Variants in MAP3K13 observed in about 807,000 individuals in gnomAD.
MAP3K13 encodes leucine zipper-bearing kinase.
A neutral mutation model predicts 104.0 loss-of-function variants in MAP3K13; 52 were observed. The ratio of observed to expected loss-of-function variants is 0.50; its 90% CI spans 0.40 to 0.63. The LOEUF is 0.63. MAP3K13 is among the 20% of genes least tolerant of loss of function. MAP3K13 has a pLI of 0.00. For missense variants in MAP3K13, 914 were observed against 1,218.5 expected (o/e 0.75, Z 3.72); for synonymous variants, 394 against 442.2 (o/e 0.89, Z 1.37).
At chr3:185,475,707 C>T (rs562504804) in intron 11 of MAP3K13, among the ~76,000 whole-genome samples, 6 of 152,152 alleles carry the variant, frequency 3.9e-5, no homozygotes, top group South Asian at 4.1e-4. Context: ...AAAAATTAGC[C>T]GGGCATGGTG....
In MAP3K13 at chr3:185,437,523, G is replaced by A. The variant is rs757758141; in HGVS notation, c.552G>A (p.Leu184=). 2 of 1,613,936 alleles carry A rather than the reference G, an allele frequency of 1.2e-6. No individual in the cohort carries two copies. The highest frequency in any genetic ancestry group is 8.5e-7 in the Non-Finnish European group (1 of 1,180,004). Reference sequence around the variant, plus strand: ...GTGGAGCCCAAGGAGCGGTCTTCTTGGGCAAGTTCCGGGCGGAAGAGGTGG... The same window carrying A: ...GTGGAGCCCAAGGAGCGGTCTTCTTAGGCAAGTTCCGGGCGGAAGAGGTGG... The part of the protein sequence containing the change: ...LGSGAQGAVF[L]GKFRAEEVAI... Residue 184 remains leucine, a synonymous_variant, in exon 3 of 14, where the codon TTG becomes TTA. Coordinates refer to ENST00000265026, the MANE Select transcript of MAP3K13 (RefSeq NM_004721.5).
At chr3:185,347,065 C>A (rs952085389) in intron 2 of MAP3K13, among the ~76,000 whole-genome samples, 10 of 149,826 alleles carry the variant, frequency 6.7e-5, no homozygotes, top group Non-Finnish European at 1.3e-4. Flanking sequence ...CGGCTCACTG[C>A]AACCTCTACC....
intron 2 of MAP3K13, among the ~76,000 whole-genome samples, chr3:185,434,303 A>G (rs1396216981): frequency 6.6e-6 from 1 of 152,240 alleles, no homozygotes; most frequent in Non-Finnish European, 1.5e-5. Flanking sequence ...CAGATTATGA[A>G]TATTAAACAA....
intron 10 of MAP3K13, among the ~76,000 whole-genome samples, chr3:185,470,615 A>G (rs1717718605): frequency 6.6e-6 from 1 of 152,058 alleles, no homozygotes; most frequent in Non-Finnish European, 1.5e-5. Context: ...CTCACTATAA[A>G]CAAGAGTCCT....
chr3:185,359,613 A>C (rs1723521782), upstream of MAP3K13, among the ~76,000 whole-genome samples: 1 of 152,174 alleles, frequency 6.6e-6, no homozygotes, highest in Non-Finnish European at 1.5e-5. Context: ...CATGTGTTAT[A>C]ATATTACTTT....
chr3:185,479,493 C>T (rs1718325272), intron 12 of MAP3K13, among the ~76,000 whole-genome samples: 1 of 152,160 alleles, frequency 6.6e-6, no homozygotes, highest in African/African-American at 2.4e-5. Flanking sequence ...CTATGACTCT[C>T]TAAATAAGAG....
chr3:185,459,598 T>C (rs1324404316), intron 7 of MAP3K13, among the ~76,000 whole-genome samples: 11 of 151,938 alleles, frequency 7.2e-5, no homozygotes, highest in Admixed American at 7.2e-4. Flanking sequence ...TACAGGCACC[T>C]GCCATCATGC....
intron 1 of MAP3K13, among the ~76,000 whole-genome samples, chr3:185,410,888 T>C (rs1713402341): frequency 6.8e-6 from 1 of 146,898 alleles, no homozygotes; most frequent in East Asian, 2.0e-4. Context: ...TGAACTAAGA[T>C]CACACCGCTG....
rs113069379 is a variant in MAP3K13, at chr3:185,418,360, T to C, written c.-85-10137T>C. On this transcript the variant is annotated intron_variant, in intron 1 of 13. Transcript: ENST00000265026. The surrounding 1 kb of genome is among the most constrained non-coding windows in gnomAD (Gnocchi z 4.5). Reference sequence around the variant, plus strand: ...AGGAACTTCCTCAATACGATGACCTTTAGACATGACCAGTGCTGGTAGGGC... The same window carrying C: ...AGGAACTTCCTCAATACGATGACCTCTAGACATGACCAGTGCTGGTAGGGC... The C allele has an allele frequency of 1.1e-4, 173 of 1,599,516 alleles. 1 individual carries two copies. In the African/African-American group the frequency reaches 1.9e-3, roughly 18 times the overall value.
In MAP3K13 at chr3:185,363,333, A is replaced by G; in HGVS notation, c.-121A>G. The G allele has an allele frequency of 3.0e-6, 3 of 985,414 alleles. No individual in the cohort carries two copies. The highest frequency in any genetic ancestry group is 1.7e-5 in the African/African-American group (1 of 57,364). 61.0% of individuals were successfully genotyped at this position (985,414 alleles called of 1,614,324 possible). A position where few individuals can be genotyped will look rare whatever the true frequency, so the allele number is the denominator to read the frequency against. ...TCACCTTACATCTTTTCAAAGCAAG[A>G]AAATGGAACAGCATGTGTAGGAATT... On this transcript the variant is annotated 5_prime_UTR_variant, in exon 1 of 14. Transcript: ENST00000265026.
intron 7 of MAP3K13, among the ~76,000 whole-genome samples, chr3:185,458,355 G>A (rs547027518): frequency 6.9e-5 from 8 of 116,040 alleles, no homozygotes; most frequent in South Asian, 6.8e-4. Flanking sequence ...GCAATAGAGC[G>A]AGACCCCATC....
At position 185,428,626 on chromosome 3, in the gene MAP3K13, C is replaced by T. The variant is rs1303741686; in HGVS notation, c.45C>T (p.His15=). ...QEHLSCSSSP[H]LPFSESKTFN... ...ACCTGAGCTGCTCCTCTTCTCCACA[C>T]TTACCCTTCAGTGAAAGCAAAACCT... The change falls in exon 2 of 14, where the codon CAC becomes CAT. Residue 15 remains histidine (H), a synonymous_variant. Coordinates refer to ENST00000265026, the MANE Select transcript of MAP3K13 (RefSeq NM_004721.5). The T allele has an allele frequency of 1.9e-6, 3 of 1,612,558 alleles. No individual in the cohort carries two copies. The highest frequency in any genetic ancestry group is 2.2e-5 in the East Asian group (1 of 44,864).
chr3:185,456,880 T>C (rs1240972641), intron 7 of MAP3K13, among the ~76,000 whole-genome samples: 1 of 152,266 alleles, frequency 6.6e-6, no homozygotes, highest in East Asian at 1.9e-4. Context: ...CGGTTACAGG[T>C]GTGAGCCACC....
intron 7 of MAP3K13, among the ~76,000 whole-genome samples, chr3:185,458,793 T>G (rs1167032049): frequency 2.0e-5 from 3 of 152,226 alleles, no homozygotes; most frequent in African/African-American, 7.2e-5. Context: ...GACTCCTTCC[T>G]GAGAAAACGC....
intron 1 of MAP3K13, among the ~76,000 whole-genome samples, chr3:185,412,304 ATATT>A (rs1353208971): frequency 6.6e-6 from 1 of 152,060 alleles, no homozygotes; most frequent in Non-Finnish European, 1.5e-5. Context: ...ACTGTCTTAT[ATATT>A]TATCATTTTT....
intron 2 of MAP3K13, among the ~76,000 whole-genome samples, chr3:185,340,137 A>C (rs1300373004): frequency 2.6e-5 from 4 of 152,184 alleles, no homozygotes; most frequent in Non-Finnish European, 1.5e-5. Flanking sequence ...AATGTATAGC[A>C]TTGTCAGCAT....
upstream of MAP3K13, among the ~76,000 whole-genome samples, chr3:185,359,115 T>TTACA (rs1462625918): frequency 6.6e-6 from 1 of 152,150 alleles, no homozygotes; most frequent in Non-Finnish European, 1.5e-5. Context: ...TTAATTGGAC[T>TTACA]TACAGTTCCA....
rs934610947 is a variant in MAP3K13 at position 185,487,177 on chromosome 3, G to A, written c.*4721G>A. 6.6e-6 allele frequency: 1 copy of A among 151,510 alleles called. No individual in the cohort carries two copies. Among genetic ancestry groups the A allele is most frequent in the African/African-American group, 2.4e-5 (1 of 41,140 alleles). The allele number at this position is 151,510 out of a possible 1,614,324, so 9.4% of individuals were successfully genotyped here. ...ACCAACCCAGACTTTTTTTGGGGGG[G>A]GGTGAGGGCGCAGGATCTCACTCTG... is the stretch of plus-strand genomic sequence containing the variant. On this transcript the variant is annotated 3_prime_UTR_variant, in exon 14 of 14. Transcript: ENST00000265026.
chr3:185,361,082 A>ATG (rs1359415266), upstream of MAP3K13, among the ~76,000 whole-genome samples: 9 of 94,226 alleles, frequency 9.6e-5, no homozygotes, highest in Non-Finnish European at 2.1e-4. Context: ...GTATATGTGT[A>ATG]TGTGTATATA....
Sources: allele counts gnomAD v4.1 joint callset (sites outside exome capture counted in the v4.1 genomes callset), GRCh38; gene constraint gnomAD v4.1.1; non-coding constraint Gnocchi (gnomAD v3.1); transcripts MANE v1.5; gene names NCBI Gene and HGNC (gene_info 2026-07-23, HGNC 2026-07-21).